MIA3: variants seen among roughly 807,000 people sequenced by gnomAD.
The protein encoded by MIA3 is transport and Golgi organization protein 1 homolog.
A neutral mutation model predicts 192.4 loss-of-function variants in MIA3; 90 were observed. The observed-to-expected ratio is 0.47, with a 90% CI of 0.39 to 0.56. MIA3 has a LOEUF of 0.56. Among genes scored for constraint, MIA3 ranks in the 20% least tolerant of loss-of-function variants. The probability of loss-of-function intolerance (pLI) is 0.00; values close to 1 mark genes in which losing one functional copy is unlikely to be tolerated. For synonymous variants in MIA3, 740 were observed against 792.8 expected (o/e 0.93, Z 1.12); for missense variants, 2,123 against 2,269.4 (o/e 0.94, Z 1.31).
intron 6 of MIA3, chr1:222,644,457 C>T (rs17531007): frequency 0.035 from 53,643 of 1,550,372 alleles, 1,065 homozygotes; most frequent in Middle Eastern, 0.065. Flanking sequence ...TTGTCGCTTG[C>T]GTTCAGCTGT....
rs768210115 is a variant in MIA3, at chr1:222,645,620, G to A, written c.3544G>A (p.Val1182Ile). Reference sequence around the variant, plus strand: ...TTTTTATGGACTGCCATGGAAACCTGTATTTATCACTGCCTTCTTGGGAAT... The same window carrying A: ...TTTTTATGGACTGCCATGGAAACCTATATTTATCACTGCCTTCTTGGGAAT... Reference protein sequence around the residue: ...PDFYGLPWKPVFITAFLGIAS... With the variant: ...PDFYGLPWKPIFITAFLGIAS... The change falls in exon 7 of 28, where the codon GTA becomes ATA. Residue 1182 changes from valine to isoleucine, a missense_variant. Physicochemically the swap from Val to Ile is conservative, Grantham distance 29. This residue lies in a region of MIA3 where 4 missense variants were observed against 16.9 expected (regional missense o/e 0.24). Coordinates refer to ENST00000344922, the MANE Select transcript of MIA3 (RefSeq NM_198551.4). 6 of 1,613,776 alleles carry A rather than the reference G, an allele frequency of 3.7e-6. No individual in the cohort carries two copies. The highest frequency in any genetic ancestry group is 5.1e-6 in the Non-Finnish European group (6 of 1,179,886).
chr1:222,654,020 G>A (rs1663575837), intron 15 of MIA3, among the ~76,000 whole-genome samples: 1 of 152,160 alleles, frequency 6.6e-6, no homozygotes, highest in Admixed American at 6.5e-5. Context: ...GTTTCTTCTT[G>A]CTCAATAATG....
chr1:222,659,576 T>C, intron 20 of MIA3, 46 bp from the exon 21 acceptor site: 2 of 1,611,876 alleles, frequency 1.2e-6, no homozygotes, highest in Non-Finnish European at 8.5e-7. Context: ...TAGAGGCTAT[T>C]ATAATGAATC....
At chr1:222,649,377 C>A (rs1326482584) in intron 8 of MIA3, 2 of 152,314 alleles carry the variant, frequency 1.3e-5, no homozygotes, top group Non-Finnish European at 2.9e-5. Flanking sequence ...AATAAAGGTT[C>A]TTATTATATT....
At chr1:222,619,719 C>T (rs1030447890) in intron 1 of MIA3, among the ~76,000 whole-genome samples, 2 of 152,164 alleles carry the variant, frequency 1.3e-5, no homozygotes, top group African/African-American at 4.8e-5. Context: ...GATGCTTCTT[C>T]AGTACTGAGG....
chr1:222,654,601 A>G, intron 17 of MIA3, 54 bp from the exon 18 acceptor site: 2 of 1,595,246 alleles, frequency 1.3e-6, no homozygotes, highest in African/African-American at 1.3e-5. Context: ...CCCCCAACCA[A>G]GTTCTCAAGT....
In MIA3 at chr1:222,618,252, G is replaced by A. The variant is rs985704163; in HGVS notation, c.133+9G>A. ...GGACGACGAATGCAGCAGTGAGTGCGCTGGAGGGGCGGCTGGCCTCGGGGC... is the reference window on the plus strand; with the variant it reads ...GGACGACGAATGCAGCAGTGAGTGCACTGGAGGGGCGGCTGGCCTCGGGGC... On this transcript the variant is annotated intron_variant, in intron 1 of 27. Transcript: ENST00000344922. 3 of 1,434,612 alleles carry A rather than the reference G, an allele frequency of 2.1e-6. No individual in the cohort carries two copies. The highest frequency in any genetic ancestry group is 2.5e-5 in the Admixed American group (1 of 40,508). 88.9% of individuals were successfully genotyped at this position (1,434,612 alleles called of 1,614,324 possible).
Position 222,628,086 on chromosome 1 carries a change from A to T in MIA3, c.866A>T (p.Asp289Val), listed in dbSNP as rs960027955. 6.2e-7 allele frequency: 1 copy of T among 1,614,002 alleles called. No homozygotes were observed. The highest frequency in any genetic ancestry group is 8.5e-7 in the Non-Finnish European group (1 of 1,180,042). The change falls in exon 4 of 28, where the codon GAT (aspartate) becomes GTT (valine). Residue 289 changes from aspartate (D) to valine (V), a missense_variant. Around this residue, in one of 3 missense-constraint regions of MIA3, gnomAD observed 1,357 missense variants for 1,396.1 expected, o/e 0.97. Transcript: ENST00000344922. ...TCAACAGCTGATGCACTTGTATCTGATGATGAGACAACCAGACTCGTTACT... is the reference window on the plus strand; with the variant it reads ...TCAACAGCTGATGCACTTGTATCTGTTGATGAGACAACCAGACTCGTTACT... Reference protein sequence around the residue: ...FGSTADALVSDDETTRLVTSL... With the variant: ...FGSTADALVSVDETTRLVTSL...
Position 222,630,139 on chromosome 1 carries a change from A to T in MIA3, c.2919A>T (p.Lys973Asn). The T allele has an allele frequency of 6.2e-7, 1 of 1,614,230 alleles. No homozygotes were observed. Among genetic ancestry groups the T allele is most frequent in the Non-Finnish European group, 8.5e-7 (1 of 1,180,034 alleles). The change falls in exon 4 of 28, where the codon AAA becomes AAT. Residue 973 changes from lysine to asparagine, a missense_variant. This residue lies in a region of MIA3 where 1,357 missense variants were observed against 1,396.1 expected (regional missense o/e 0.97). Transcript: ENST00000344922. Reference protein sequence around the residue: ...QQESLPYNMEKVLDKVFRASE... With the variant: ...QQESLPYNMENVLDKVFRASE... ...AGAGCCTGCCCTATAATATGGAAAA[A>T]GTCCTAGATAAGGTCTTCCGTGCTT... is the stretch of plus-strand genomic sequence containing the variant.
intron 27 of MIA3, 160 bp from the exon 28 acceptor site, chr1:222,665,149 T>C (rs1366812292): frequency 1.7e-6 from 1 of 591,686 alleles, no homozygotes. Context: ...CAGTGAGCCA[T>C]GATCACTCAT....
intron 24 of MIA3, chr1:222,660,526 T>G: frequency 2.5e-6 from 1 of 405,456 alleles, no homozygotes; most frequent in Non-Finnish European, 4.3e-6. Flanking sequence ...TTGTTTTGTT[T>G]CTCTTTAATT....
At chr1:222,653,592 T>TA (rs1252398624) in intron 15 of MIA3, among the ~76,000 whole-genome samples, 1 of 152,194 alleles carries the variant, frequency 6.6e-6, no homozygotes, top group Non-Finnish European at 1.5e-5. Flanking sequence ...GGTCATGTCT[T>TA]ACACCTCTAA....
At chr1:222,625,005 G>C (rs1662043786) in intron 3 of MIA3, 151 bp downstream of exon 3, 1 of 489,800 alleles carries the variant, frequency 2.0e-6, no homozygotes, top group African/African-American at 2.0e-5. Context: ...CTTATATAAG[G>C]CTATGTACTC....
chr1:222,636,172 T>C (rs1662615300), intron 6 of MIA3, among the ~76,000 whole-genome samples: 2 of 152,214 alleles, frequency 1.3e-5, no homozygotes, highest in African/African-American at 4.8e-5. Context: ...CACTTGGTAT[T>C]ATCAGTCTTA....
intron 2 of MIA3, among the ~76,000 whole-genome samples, chr1:222,624,299 C>T (rs1662008601): frequency 6.6e-6 from 1 of 152,094 alleles, no homozygotes; most frequent in Non-Finnish European, 1.5e-5. Context: ...CTTTTGCAGT[C>T]GAGAGAAATA....
intron 2 of MIA3, 78 bp downstream of exon 2, chr1:222,621,370 T>G: frequency 5.8e-6 from 8 of 1,385,408 alleles, no homozygotes; most frequent in Non-Finnish European, 7.9e-6. Context: ...ATGACTGCAT[T>G]TTCTTGGGAC....
chr1:222,627,387 C>G (rs572065158), intron 3 of MIA3, among the ~76,000 whole-genome samples, 188 bp from the exon 4 acceptor site: 2 of 152,318 alleles, frequency 1.3e-5, no homozygotes, highest in African/African-American at 4.8e-5. Flanking sequence ...GAGTATTACT[C>G]AGATGGGAAA....
Position 222,628,301 on chromosome 1 carries a change from GA to G in MIA3, c.1082del (p.Glu361GlyfsTer6), listed in dbSNP as rs1558174444. ...AGATAAAGAGCAGAATTCAAATGAA[GA>G]GGACAAGGTTCAGCTAACTGTGCCC... is the stretch of plus-strand genomic sequence containing the variant. ...PTDKEQNSNE[E>X]DKVQLTVPPG... On this transcript the variant is annotated frameshift_variant, in exon 4 of 28. Coordinates refer to ENST00000344922, the MANE Select transcript of MIA3 (RefSeq NM_198551.4). LOFTEE classifies it high-confidence loss of function. 3 of 1,613,890 alleles carry G rather than the reference GA, an allele frequency of 1.9e-6. No homozygotes were observed. The highest frequency in any genetic ancestry group is 2.5e-6 in the Non-Finnish European group (3 of 1,179,984).
chr1:222,660,514 T>C, intron 24 of MIA3, 200 bp downstream of exon 24: 1 of 445,098 alleles, frequency 2.2e-6, no homozygotes, highest in East Asian at 3.9e-5. Context: ...TATTTTCCTT[T>C]ATTGTTTTGT....
Sources: allele counts gnomAD v4.1 joint callset (sites outside exome capture counted in the v4.1 genomes callset), GRCh38; gene constraint gnomAD v4.1.1; regional missense constraint gnomAD v4.1.1; transcripts MANE v1.5; gene names NCBI Gene and HGNC (gene_info 2026-07-23, HGNC 2026-07-21).